GABRP: variants seen among roughly 807,000 people sequenced by gnomAD.
The protein encoded by GABRP is gamma-aminobutyric acid type A receptor subunit pi, also known as gamma-aminobutyric acid receptor subunit pi.
In GABRP, 52 loss-of-function variants were observed where a neutral mutation model predicts 47.8. That is an observed-to-expected ratio of 1.09 (90% CI 0.87 to 1.37). GABRP has a LOEUF of 1.37. GABRP is among the 40% of genes most tolerant of loss of function. GABRP has a pLI of 0.00. For synonymous variants in GABRP, 221 were observed against 205.8 expected, an observed-to-expected ratio of 1.07 and a Z score of -0.63; for missense variants, 525 against 542.8, an observed-to-expected ratio of 0.97 and a Z score of 0.33.
At position 170,811,973 on chromosome 5, in the gene GABRP, A is replaced by G; in HGVS notation, c.1038A>G (p.Val346=). The change falls in exon 10 of 10, where the codon GTA becomes GTG. Residue 346 remains valine (V), a synonymous_variant. Coordinates refer to ENST00000265294, the MANE Select transcript of GABRP (RefSeq NM_014211.3). ...TGAACTAGGGGACAACAAAGGAAGT[A>G]GAAGAAGTCAGTATTACTAATATCA... The part of the protein sequence containing the change: ...AAKDRGTTKE[V]EEVSITNIIN... 6.2e-7 allele frequency: 1 copy of G among 1,613,766 alleles called. No individual in the cohort carries two copies. Among genetic ancestry groups the G allele is most frequent in the South Asian group, 1.1e-5 (1 of 91,072 alleles).
chr5:170,789,095 CA>C (rs1191484203), intron 2 of GABRP, 33 bp from the exon 3 acceptor site: 1 of 1,542,968 alleles, frequency 6.5e-7, no homozygotes, highest in East Asian at 2.2e-5. Context: ...CACACATAAA[CA>C]AGCAAACACA....
Position 170,809,582 on chromosome 5 carries a change from T to TTATC in GABRP, c.848_851dup (p.Met285IlefsTer32), listed in dbSNP as rs1225525740. ...TGTTTTCCCAGGAGTGACGACCGTG[T>TTATC]TATCAATGACCACACTGATGATCGG... On this transcript the variant is annotated frameshift_variant, in exon 9 of 10. Transcript: ENST00000265294. LOFTEE classifies it high-confidence loss of function. The TTATC allele has an allele frequency of 6.2e-7, 1 of 1,613,890 alleles. No homozygotes were observed. The highest frequency in any genetic ancestry group is 8.5e-7 in the Non-Finnish European group (1 of 1,180,016).
chr5:170,803,335 T>G (rs1483698945), intron 6 of GABRP, among the ~76,000 whole-genome samples: 1 of 152,218 alleles, frequency 6.6e-6, no homozygotes, highest in African/African-American at 2.4e-5. Flanking sequence ...TACCTTTATG[T>G]ATAAGATCAC....
intron 1 of GABRP, 128 bp from the exon 2 acceptor site, chr5:170,788,446 T>C (rs2127249947): frequency 1.6e-6 from 1 of 606,998 alleles, no homozygotes; most frequent in East Asian, 2.8e-5. Context: ...CCGAAAGGTA[T>C]GGAAAGAGGC....
At chr5:170,792,952 G>T (rs1166020035) in intron 3 of GABRP, among the ~76,000 whole-genome samples, 1 of 152,088 alleles carries the variant, frequency 6.6e-6, no homozygotes, top group Non-Finnish European at 1.5e-5. Flanking sequence ...GAATAAAGTT[G>T]TCCCTTTTCC....
intron 3 of GABRP, among the ~76,000 whole-genome samples, chr5:170,792,811 C>T (rs913972917): frequency 3.3e-5 from 5 of 152,174 alleles, no homozygotes; most frequent in Admixed American, 6.5e-5. Context: ...GTATTCCTAC[C>T]GATGAGATGT....
intron 5 of GABRP, among the ~76,000 whole-genome samples, chr5:170,797,165 A>T (rs1186477562): frequency 6.6e-6 from 1 of 152,244 alleles, no homozygotes; most frequent in Non-Finnish European, 1.5e-5. Flanking sequence ...GATAAAATTT[A>T]AAAACTGGAT....
chr5:170,784,515 A>G (rs1765079748), intron 1 of GABRP, among the ~76,000 whole-genome samples: 1 of 151,970 alleles, frequency 6.6e-6, no homozygotes, highest in African/African-American at 2.4e-5. Context: ...TCTGGTTTAG[A>G]AAAAGGTGCC....
At chr5:170,796,761 G>A (rs1765440455) in intron 5 of GABRP, among the ~76,000 whole-genome samples, 1 of 152,196 alleles carries the variant, frequency 6.6e-6, no homozygotes. Flanking sequence ...CTGGAGGTGA[G>A]CACCATTCTG....
chr5:170,789,284 G>C, intron 3 of GABRP, 37 bp downstream of exon 3: 1 of 1,365,106 alleles, frequency 7.3e-7, no homozygotes, highest in Non-Finnish European at 1.0e-6. Flanking sequence ...TCATTCAAAG[G>C]GACGAAAACA....
chr5:170,808,811 T>C (rs1273672860), intron 8 of GABRP, 59 bp downstream of exon 8: 3 of 1,496,400 alleles, frequency 2.0e-6, no homozygotes, highest in African/African-American at 1.4e-5. Context: ...TTACTTTTTT[T>C]CCTTTTACCA....
rs200679140 is a variant in GABRP at position 170,789,133 on chromosome 5, T to C, written c.58T>C (p.Cys20Arg). 6 of 1,611,174 alleles carry C rather than the reference T, an allele frequency of 3.7e-6. No homozygotes were observed. The highest frequency in any genetic ancestry group is 3.3e-4 in the Middle Eastern group (2 of 6,044). The change falls in exon 3 of 10, where the codon TGC becomes CGC. Residue 20 changes from cysteine to arginine, a missense_variant. Coordinates refer to ENST00000265294, the MANE Select transcript of GABRP (RefSeq NM_014211.3). ...VCLSLFTERMCIQGSQFNVEV... is the reference protein window; with the variant it reads ...VCLSLFTERMRIQGSQFNVEV... ...CAAAGCCCATTTCTTTTCCAGGATGTGCATCCAGGGGAGTCAGTTCAACGT... is the reference window on the plus strand; with the variant it reads ...CAAAGCCCATTTCTTTTCCAGGATGCGCATCCAGGGGAGTCAGTTCAACGT...
At chr5:170,803,959 G>A (rs1765660126) in intron 6 of GABRP, among the ~76,000 whole-genome samples, 1 of 152,022 alleles carries the variant, frequency 6.6e-6, no homozygotes, top group African/African-American at 2.4e-5. Context: ...GTAGAGACAG[G>A]GTTTCACCAT....
Position 170,805,731 on chromosome 5 carries a change from A to AACCAGTATTTATT in GABRP, c.557_558insACCAGTATTTATT (p.Asn186LysfsTer6). 1 of 1,614,110 alleles carries AACCAGTATTTATT rather than the reference A, an allele frequency of 6.2e-7. No individual in the cohort carries two copies. The highest frequency in any genetic ancestry group is 1.1e-5 in the South Asian group (1 of 91,076). On this transcript the variant is annotated frameshift_variant, in exon 7 of 10. Coordinates refer to ENST00000265294, the MANE Select transcript of GABRP (RefSeq NM_014211.3). LOFTEE classifies it high-confidence loss of function. ...TATTTGCCAGGGGGCTATGATGGAAATGATGTGGAGTTCACCTGGCTGAGA... is the reference window on the plus strand; with the variant it reads ...TATTTGCCAGGGGGCTATGATGGAAAACCAGTATTTATTTGATGTGGAGTTCACCTGGCTGAGA...
In GABRP at chr5:170,809,587, A is replaced by G. The variant is rs776843176; in HGVS notation, c.852A>G (p.Ser284=). 4.3e-6 allele frequency: 7 copies of G among 1,614,076 alleles called. No homozygotes were observed. The South Asian group carries it at 7.7e-5, about 18-fold the overall frequency. Residue 284 remains serine (S), a synonymous_variant, in exon 9 of 10, where the codon TCA becomes TCG. Coordinates refer to ENST00000265294, the MANE Select transcript of GABRP (RefSeq NM_014211.3). ...TCCCAGGAGTGACGACCGTGTTATC[A>G]ATGACCACACTGATGATCGGGTCCC... The part of the protein sequence containing the change: ...RTCIGVTTVL[S]MTTLMIGSRT...
intron 7 of GABRP, among the ~76,000 whole-genome samples, chr5:170,807,985 G>T (rs1242428690): frequency 6.6e-6 from 1 of 152,086 alleles, no homozygotes; most frequent in Non-Finnish European, 1.5e-5. Context: ...AGCAGAGCTT[G>T]GGACTCTAAC....
chr5:170,783,235 G>C (rs1160207457), upstream of GABRP, among the ~76,000 whole-genome samples: 46 of 152,154 alleles, frequency 3.0e-4, no homozygotes, highest in Admixed American at 3.0e-3. Flanking sequence ...TAGGTCCTGG[G>C]ATATGAAAGT....
At chr5:170,792,312 G>A (rs1287092667) in intron 3 of GABRP, among the ~76,000 whole-genome samples, 1 of 152,034 alleles carries the variant, frequency 6.6e-6, no homozygotes, top group African/African-American at 2.4e-5. Flanking sequence ...GCATGGTGGT[G>A]GGTGCTGTAA....
chr5:170,791,151 G>C (rs1237853446), intron 3 of GABRP, among the ~76,000 whole-genome samples: 1 of 152,222 alleles, frequency 6.6e-6, no homozygotes, highest in East Asian at 1.9e-4. Context: ...CCAACAAGGT[G>C]CAGGGTCCTT....
Sources: allele counts gnomAD v4.1 joint callset (sites outside exome capture counted in the v4.1 genomes callset), GRCh38; gene constraint gnomAD v4.1.1; transcripts MANE v1.5; gene names NCBI Gene and HGNC (gene_info 2026-07-23, HGNC 2026-07-21).